The following CTNND2 variants were observed in gnomAD, a reference collection of about 807,000 sequenced individuals.
CTNND2 encodes the protein catenin delta 2.
A neutral mutation model predicts 144.4 loss-of-function variants in CTNND2; 22 were observed. The observed-to-expected ratio is 0.15, with a 90% CI of 0.11 to 0.22. The LOEUF is 0.22. Ranked by LOEUF, CTNND2 falls within the 10% of genes least tolerant of loss-of-function variation. CTNND2 has a pLI of 1.00. For synonymous variants in CTNND2, 751 were observed against 695.6 expected (o/e 1.08, Z -1.25); for missense variants, 1,353 against 1,618.8 (o/e 0.84, Z 2.82).
intron 3 of CTNND2, among the ~76,000 whole-genome samples, chr5:11,513,867 TATA>T (rs1771882591): frequency 6.6e-6 from 1 of 152,152 alleles, no homozygotes; most frequent in Non-Finnish European, 1.5e-5. Context: ...CAAGTATTTG[TATA>T]ATAATAGGAA....
chr5:11,884,444 C>T (rs747792968), intron 1 of CTNND2, among the ~76,000 whole-genome samples: 3 of 152,098 alleles, frequency 2.0e-5, no homozygotes, highest in Non-Finnish European at 4.4e-5. Flanking sequence ...ATCCTTTCCC[C>T]TTTGCTTGTT....
intron 2 of CTNND2, among the ~76,000 whole-genome samples, chr5:11,628,388 C>T (rs1355921176): frequency 6.6e-6 from 1 of 152,142 alleles, no homozygotes; most frequent in Non-Finnish European, 1.5e-5. Flanking sequence ...TAACTCAATT[C>T]TCAAAACAGT....
chr5:10,980,374 C>G (rs528688989), intron 21 of CTNND2, among the ~76,000 whole-genome samples: 1 of 152,030 alleles, frequency 6.6e-6, no homozygotes, highest in African/African-American at 2.4e-5. Context: ...GTCAGAATGG[C>G]GATCATTAAA....
chr5:11,372,394 AG>A (rs1023898180), intron 7 of CTNND2, among the ~76,000 whole-genome samples: 22 of 152,202 alleles, frequency 1.4e-4, no homozygotes, highest in African/African-American at 4.8e-4. Context: ...AAATAATGAT[AG>A]TGGTAACGGA....
At chr5:11,666,628 C>G (rs56380328) in intron 2 of CTNND2, among the ~76,000 whole-genome samples, 1,803 of 152,202 alleles carry the variant, frequency 0.012, 28 homozygotes, top group African/African-American at 0.042. Context: ...GCCACTGAGT[C>G]TTAGAGTTGG....
intron 8 of CTNND2, among the ~76,000 whole-genome samples, chr5:11,357,238 T>C (rs1440110011): frequency 1.3e-5 from 2 of 152,098 alleles, no homozygotes; most frequent in African/African-American, 2.4e-5. Flanking sequence ...CACATGTTTA[T>C]TGTAGCACTA....
chr5:11,170,452 C>T (rs1005733891), intron 11 of CTNND2, among the ~76,000 whole-genome samples: 1 of 152,186 alleles, frequency 6.6e-6, no homozygotes, highest in East Asian at 1.9e-4. Flanking sequence ...GAAGTATATA[C>T]ACGTTGTGTA....
chr5:11,594,714 T>C (rs889407899), intron 2 of CTNND2, among the ~76,000 whole-genome samples: 2 of 152,190 alleles, frequency 1.3e-5, no homozygotes, highest in Admixed American at 6.5e-5. Context: ...AAAACCTACA[T>C]GTTCATGATG....
At chr5:11,722,711 A>G (rs1786757154) in intron 2 of CTNND2, among the ~76,000 whole-genome samples, 1 of 152,106 alleles carries the variant, frequency 6.6e-6, no homozygotes, top group Non-Finnish European at 1.5e-5. Flanking sequence ...TCTTGTGAGA[A>G]CTCACTCACT....
At chr5:11,812,991 A>C (rs1049128816) in intron 1 of CTNND2, among the ~76,000 whole-genome samples, 2 of 152,142 alleles carry the variant, frequency 1.3e-5, no homozygotes, top group African/African-American at 4.8e-5. Flanking sequence ...ATACACCAAA[A>C]TCTACTCATA....
chr5:11,792,097 TTTCTC>T (rs1251264339), intron 1 of CTNND2, among the ~76,000 whole-genome samples: 15 of 152,304 alleles, frequency 9.8e-5, no homozygotes, highest in African/African-American at 2.6e-4. Flanking sequence ...TCAATTCTCT[TTTCTC>T]TTCTCTAGAC....
At position 11,903,921 on chromosome 5, in the gene CTNND2, C is replaced by T. The variant is rs1444076937; in HGVS notation, c.-68G>A. 4.3e-6 allele frequency: 6 copies of T among 1,389,246 alleles called. No individual in the cohort carries two copies. The highest frequency in any genetic ancestry group is 5.6e-6 in the Non-Finnish European group (6 of 1,078,128). The allele number at this position is 1,389,246 out of a possible 1,614,324, so 86.1% of individuals were successfully genotyped here. ...TGCGCGGCGCCGCCCGGCTTCAGGGCAAGGTCCTGACCTTGCCCAACTGCA... is the reference window on the plus strand; with the variant it reads ...TGCGCGGCGCCGCCCGGCTTCAGGGTAAGGTCCTGACCTTGCCCAACTGCA... On this transcript the variant is annotated 5_prime_UTR_variant, in exon 1 of 22. Transcript: ENST00000304623. This position sits in a 1 kb window ranked among gnomAD's most constrained non-coding sequence, Gnocchi z 5.4.
At chr5:11,477,490 T>C (rs887779543) in intron 3 of CTNND2, among the ~76,000 whole-genome samples, 1 of 152,054 alleles carries the variant, frequency 6.6e-6, no homozygotes, top group East Asian at 1.9e-4. Flanking sequence ...TGGCTCACTG[T>C]AATCTCAAAC....
chr5:11,764,646 CT>C (rs1169752438), intron 1 of CTNND2, among the ~76,000 whole-genome samples: 2 of 152,088 alleles, frequency 1.3e-5, no homozygotes, highest in African/African-American at 4.8e-5. Flanking sequence ...TCCTTTCCCC[CT>C]GGAAGCAAAT....
intron 2 of CTNND2, among the ~76,000 whole-genome samples, chr5:11,623,230 G>A (rs1346788797): frequency 6.6e-6 from 1 of 151,966 alleles, no homozygotes; most frequent in Non-Finnish European, 1.5e-5. Context: ...TCGTTGATAT[G>A]GTTTGACTGT....
chr5:11,048,084 T>C (rs1472644348), intron 16 of CTNND2, among the ~76,000 whole-genome samples: 3 of 152,152 alleles, frequency 2.0e-5, no homozygotes, highest in Non-Finnish European at 2.9e-5. Context: ...CAAGGGTCCA[T>C]TCACTTCAGT....
chr5:11,519,095 T>C (rs1772481281), intron 3 of CTNND2, among the ~76,000 whole-genome samples: 1 of 152,162 alleles, frequency 6.6e-6, no homozygotes, highest in Admixed American at 6.5e-5. Context: ...ACATCATCAT[T>C]GCATGGATGA....
chr5:10,987,010 T>C (rs1405745928), intron 20 of CTNND2, among the ~76,000 whole-genome samples: 1 of 152,218 alleles, frequency 6.6e-6, no homozygotes, highest in African/African-American at 2.4e-5. Context: ...ACGGCGCCCT[T>C]TGCGCCCCAG....
intron 3 of CTNND2, among the ~76,000 whole-genome samples, chr5:11,494,119 T>C (rs1176986212): frequency 6.6e-6 from 1 of 152,158 alleles, no homozygotes; most frequent in African/African-American, 2.4e-5. Context: ...AAAGATCTAT[T>C]TGTGGTCCTT....
Sources: allele counts gnomAD v4.1 joint callset (sites outside exome capture counted in the v4.1 genomes callset), GRCh38; gene constraint gnomAD v4.1.1; non-coding constraint Gnocchi (gnomAD v3.1); transcripts MANE v1.5; gene names NCBI Gene and HGNC (gene_info 2026-07-23, HGNC 2026-07-21).